Variants in PLA2R1 observed in about 807,000 individuals in gnomAD.
The protein encoded by PLA2R1 is phospholipase A2 receptor 1.
A neutral mutation model predicts 195.9 loss-of-function variants in PLA2R1; 158 were observed. The ratio of observed to expected loss-of-function variants is 0.81; its 90% CI spans 0.71 to 0.92. The LOEUF (loss-of-function observed/expected upper bound fraction) is 0.92. Among genes scored for constraint, PLA2R1 ranks in the 40% least tolerant of loss-of-function variants. PLA2R1 has a pLI of 0.00. For missense variants in PLA2R1, 1,626 were observed against 1,764.6 expected (o/e 0.92, Z 1.41); for synonymous variants, 586 against 598.2 (o/e 0.98, Z 0.30).
rs141762482 is a variant in PLA2R1 at position 159,993,157 on chromosome 2, T to C, written c.1835-5799A>G. ...TACATTTTAGTTTCTAAGCATTAGC[T>C]TCTCCTTGAATGAGAAGCTAATTTA... On this transcript the variant is annotated intron_variant, in intron 11 of 29. Coordinates refer to ENST00000283243, the MANE Select transcript of PLA2R1 (RefSeq NM_007366.5). Among the ~76,000 whole-genome samples, 7 of 152,278 alleles carry C rather than the reference T, an allele frequency of 4.6e-5. No individual in the cohort carries two copies. The East Asian group carries it at 1.4e-3, about 29-fold the overall frequency.
chr2:159,995,140 C>A (rs1336409142), intron 11 of PLA2R1, among the ~76,000 whole-genome samples: 1 of 152,074 alleles, frequency 6.6e-6, no homozygotes, highest in Non-Finnish European at 1.5e-5. Flanking sequence ...GGTAGTGTCT[C>A]TGCAAGCTGC....
At chr2:160,042,225 G>C in intron 2 of PLA2R1, 27 bp from the exon 3 acceptor site, 1 of 1,592,946 alleles carries the variant, frequency 6.3e-7, no homozygotes, top group Non-Finnish European at 8.6e-7. Flanking sequence ...TACAAAGTCA[G>C]ATAAGTATGA....
intron 15 of PLA2R1, 26 bp downstream of exon 15, chr2:159,977,258 A>C (rs1689626695): frequency 3.2e-6 from 5 of 1,565,310 alleles, no homozygotes; most frequent in Non-Finnish European, 2.6e-6. Context: ...TCAAACATAT[A>C]GCAAAGATCT....
At chr2:160,006,854 G>A (rs1049788013) in intron 10 of PLA2R1, among the ~76,000 whole-genome samples, 10 of 151,892 alleles carry the variant, frequency 6.6e-5, no homozygotes, top group African/African-American at 2.4e-4. Context: ...ACTTGCTAAG[G>A]GAAGCAAAAG....
intron 20 of PLA2R1, among the ~76,000 whole-genome samples, chr2:159,965,760 G>C (rs1205795512): frequency 1.3e-5 from 2 of 152,186 alleles, no homozygotes; most frequent in African/African-American, 4.8e-5. Flanking sequence ...ATTCCCACCA[G>C]GAGTGAATGA....
chr2:160,027,383 G>T (rs1693590341), intron 6 of PLA2R1, among the ~76,000 whole-genome samples: 1 of 152,134 alleles, frequency 6.6e-6, no homozygotes, highest in Non-Finnish European at 1.5e-5. Flanking sequence ...ACAGGTGGTA[G>T]CAATTTCAGC....
intron 11 of PLA2R1, among the ~76,000 whole-genome samples, chr2:159,998,059 A>C (rs1319652437): frequency 6.6e-6 from 1 of 152,064 alleles, no homozygotes; most frequent in Non-Finnish European, 1.5e-5. Flanking sequence ...TGTTGGGGAA[A>C]TGTATGTGTA....
intron 11 of PLA2R1, among the ~76,000 whole-genome samples, chr2:160,002,016 T>C (rs1284541304): frequency 6.6e-6 from 1 of 151,344 alleles, no homozygotes; most frequent in Non-Finnish European, 1.5e-5. Flanking sequence ...TCTTTTCAAG[T>C]ACATATGGGA....
intron 11 of PLA2R1, among the ~76,000 whole-genome samples, chr2:160,001,748 C>G (rs998467155): frequency 6.6e-6 from 1 of 151,810 alleles, no homozygotes; most frequent in Non-Finnish European, 1.5e-5. Context: ...GATTTTGACA[C>G]CACAGGTGGG....
intron 2 of PLA2R1, 85 bp from the exon 3 acceptor site, chr2:160,042,283 T>C: frequency 8.5e-7 from 1 of 1,175,710 alleles, no homozygotes; most frequent in Non-Finnish European, 1.2e-6. Flanking sequence ...GCATTTTTTA[T>C]GGACTGAAAC....
At chr2:159,973,035 A>G (rs1055650451) in intron 17 of PLA2R1, among the ~76,000 whole-genome samples, 4 of 152,166 alleles carry the variant, frequency 2.6e-5, no homozygotes, top group Admixed American at 6.5e-5. Flanking sequence ...CTTCTTAGGG[A>G]AGCTACACAA....
intron 18 of PLA2R1, 33 bp from the exon 19 acceptor site, chr2:159,969,392 C>T: frequency 8.6e-7 from 1 of 1,162,222 alleles, no homozygotes; most frequent in Non-Finnish European, 1.3e-6. Context: ...AAGGTCTTCT[C>T]TCATTCTGCA....
intron 25 of PLA2R1, among the ~76,000 whole-genome samples, chr2:159,948,861 C>T (rs947393521): frequency 2.6e-5 from 4 of 152,134 alleles, no homozygotes; most frequent in African/African-American, 9.7e-5. Flanking sequence ...AGGAGGCCAG[C>T]TTGTGTTAGT....
intron 17 of PLA2R1, among the ~76,000 whole-genome samples, 171 bp downstream of exon 17, chr2:159,975,897 A>G (rs1184849202): frequency 6.6e-6 from 1 of 152,182 alleles, no homozygotes; most frequent in African/African-American, 2.4e-5. Flanking sequence ...CTTAATCTCT[A>G]TAATAGGAAA....
intron 2 of PLA2R1, among the ~76,000 whole-genome samples, chr2:160,042,815 GT>G: frequency 1.2e-5 from 1 of 84,668 alleles, no homozygotes; most frequent in Non-Finnish European, 3.0e-5. Context: ...GTGTGTGTGT[GT>G]GTGTGTGTGT....
chr2:159,988,299 C>A (rs1690506142), intron 11 of PLA2R1, among the ~76,000 whole-genome samples: 1 of 151,372 alleles, frequency 6.6e-6, no homozygotes, highest in African/African-American at 2.4e-5. Flanking sequence ...AATTCACATT[C>A]ATCAACAACA....
chr2:160,050,429 A>G (rs901546883), intron 1 of PLA2R1, among the ~76,000 whole-genome samples: 10 of 152,154 alleles, frequency 6.6e-5, no homozygotes, highest in Non-Finnish European at 1.3e-4. Flanking sequence ...TATTTAACTG[A>G]ACCACTCTTT....
chr2:159,925,969 G>A, the PLA2R1 span, among the ~76,000 whole-genome samples: 2 of 152,160 alleles, frequency 1.3e-5, no homozygotes, highest in Non-Finnish European at 2.9e-5. Flanking sequence ...TTTTGGTGGG[G>A]GGAGGAAGGA....
rs996777066 is a variant in PLA2R1, at chr2:160,019,964, C to A, written c.1452+142G>T. ...AATTACCATGTTTTTTCTGTGTGTA[C>A]TTGTTTGCTCTCTAACATGGAAGGC... On this transcript the variant is annotated intron_variant, in intron 8 of 29. Coordinates refer to ENST00000283243, the MANE Select transcript of PLA2R1 (RefSeq NM_007366.5). 9 of 569,576 alleles carry A rather than the reference C, an allele frequency of 1.6e-5. No individual in the cohort carries two copies. In the African/African-American group the frequency reaches 1.7e-4, roughly 11 times the overall value. 35.3% of individuals were successfully genotyped at this position (569,576 alleles called of 1,614,324 possible).
Sources: gnomAD v4.1 joint callset for allele counts (sites outside exome capture counted in the v4.1 genomes callset) on GRCh38, gnomAD v4.1.1 for gene constraint, MANE v1.5 for transcripts, NCBI Gene and HGNC (gene_info 2026-07-23, HGNC 2026-07-21) for gene names.